CIMAP1B: variants seen among roughly 807,000 people sequenced by gnomAD.
The protein encoded by CIMAP1B is ciliary microtubule associated protein 1B, also known as orf2 5' to PD-ECGF/TP.
chr22:50,530,867 AG>A, the CIMAP1B span: 1 of 1,605,800 alleles, frequency 6.2e-7, no homozygotes, highest in African/African-American at 1.3e-5. Flanking sequence ...GAGAGGGCAG[AG>A]GGTGCTGGCT....
the CIMAP1B span, chr22:50,531,863 C>T: frequency 2.0e-5 from 27 of 1,328,650 alleles, no homozygotes; most frequent in Admixed American, 8.2e-5. Context: ...CCCCTCTCCC[C>T]TCTAGCAGGC....
At chr22:50,531,428 A>G in the CIMAP1B span, 7 of 1,088,150 alleles carry the variant, frequency 6.4e-6, no homozygotes, top group Non-Finnish European at 9.2e-6. Flanking sequence ...GGGGTTTGGG[A>G]TTTGAGATCC....
chr22:50,530,800 C>A, the CIMAP1B span: 4 of 1,605,444 alleles, frequency 2.5e-6, no homozygotes, highest in Non-Finnish European at 3.4e-6. Flanking sequence ...CTGGGGGGCC[C>A]GGGACTTGTA....
At chr22:50,530,723 T>A in the CIMAP1B span, 3 of 1,611,916 alleles carry the variant, frequency 1.9e-6, no homozygotes, top group South Asian at 3.3e-5. Context: ...TGATCCACGT[T>A]GTAGGCCGCG....
chr22:50,532,015 C>T, the CIMAP1B span: 1 of 1,359,294 alleles, frequency 7.4e-7, no homozygotes, highest in Non-Finnish European at 9.5e-7. Flanking sequence ...CTCCGTAGTG[C>T]GCCGCGATGG....
the CIMAP1B span, chr22:50,530,994 T>TG: frequency 1.2e-6 from 2 of 1,611,108 alleles, no homozygotes; most frequent in South Asian, 1.1e-5. Flanking sequence ...TGGAGCAAGT[T>TG]GGGGCGGAGA....
chr22:50,531,548 C>T, the CIMAP1B span: 1 of 1,385,780 alleles, frequency 7.2e-7, no homozygotes. Flanking sequence ...GTTGGGGTGG[C>T]CAGGGGCCCG....
the CIMAP1B span, chr22:50,530,581 C>A: frequency 1.3e-5 from 20 of 1,573,752 alleles, no homozygotes; most frequent in Non-Finnish European, 1.6e-5. Flanking sequence ...GGAGACACCG[C>A]TGACCTCGCG....
At chr22:50,530,866 G>C in the CIMAP1B span, 1 of 1,605,836 alleles carries the variant, frequency 6.2e-7, no homozygotes, top group African/African-American at 1.3e-5. Context: ...CGAGAGGGCA[G>C]AGGGTGCTGG....
the CIMAP1B span, chr22:50,531,414 G>A: frequency 9.1e-7 from 1 of 1,094,280 alleles, no homozygotes; most frequent in Admixed American, 2.8e-5. Context: ...GCCCCGTGGG[G>A]TTCGGGGTTT....
chr22:50,532,074 C>T, the CIMAP1B span: 3 of 1,368,400 alleles, frequency 2.2e-6, no homozygotes, highest in Non-Finnish European at 1.9e-6. Context: ...GCGTCCGAGC[C>T]CATAGCGCGG....
the CIMAP1B span, chr22:50,532,087 G>C: frequency 8.1e-6 from 11 of 1,364,850 alleles, no homozygotes; most frequent in Admixed American, 3.8e-5. Flanking sequence ...TAGCGCGGGT[G>C]GGGGGCGCTT....
At chr22:50,530,630 C>A in the CIMAP1B span, 1 of 1,571,608 alleles carries the variant, frequency 6.4e-7, no homozygotes, top group African/African-American at 1.4e-5. Flanking sequence ...CCTGGACCCC[C>A]GGGGACTCTG....
At chr22:50,531,780 G>T in the CIMAP1B span, 6 of 1,358,104 alleles carry the variant, frequency 4.4e-6, no homozygotes, top group South Asian at 9.4e-5. Flanking sequence ...TAGCCTGGGA[G>T]CATCCGAGTT....
At chr22:50,531,044 T>G in the CIMAP1B span, 1 of 1,610,136 alleles carries the variant, frequency 6.2e-7, no homozygotes, top group Non-Finnish European at 8.5e-7. Context: ...GAGGGCACCG[T>G]ATAGGCCGCG....
chr22:50,530,544 C>T, the CIMAP1B span: 1 of 1,596,532 alleles, frequency 6.3e-7, no homozygotes, highest in Non-Finnish European at 8.5e-7. Context: ...GAAACTCCAG[C>T]CGCGGGGCTT....
the CIMAP1B span, chr22:50,530,969 C>T: frequency 6.2e-7 from 1 of 1,611,512 alleles, no homozygotes; most frequent in Non-Finnish European, 8.5e-7. Flanking sequence ...CTGCCAGCCG[C>T]TCTGCGGCCG....
the CIMAP1B span, chr22:50,531,270 C>A: frequency 3.1e-6 from 5 of 1,609,802 alleles, no homozygotes; most frequent in African/African-American, 6.7e-5. Context: ...ACGTCGCGTT[C>A]CCCGCTCGCT....
chr22:50,531,236 T>C, the CIMAP1B span: 1 of 1,612,200 alleles, frequency 6.2e-7, no homozygotes, highest in Non-Finnish European at 8.5e-7. Flanking sequence ...CGGGGAGCAA[T>C]GGTGTGCCGA....
Sources: allele counts gnomAD v4.1 joint callset, GRCh38; gene constraint gnomAD v4.1.1; transcripts MANE v1.5; gene names NCBI Gene and HGNC (gene_info 2026-07-23, HGNC 2026-07-21).